DAGLA: variants seen among roughly 807,000 people sequenced by gnomAD.
The protein encoded by DAGLA is diacylglycerol lipase-alpha.
Under a neutral mutation model 102.6 loss-of-function variants are expected in DAGLA, and 22 were observed. That is an observed-to-expected ratio of 0.21 (90% CI 0.15 to 0.31). The LOEUF (loss-of-function observed/expected upper bound fraction) is 0.31. DAGLA is among the 10% of genes least tolerant of loss of function. The pLI, the probability that DAGLA is intolerant of heterozygous loss-of-function variation, is 1.00. For synonymous variants in DAGLA, 578 were observed against 628.9 expected (o/e 0.92, Z 1.21); for missense variants, 927 against 1,446.6 (o/e 0.64, Z 5.83).
Position 61,743,791 on chromosome 11 carries a change from G to T in DAGLA, c.2431G>T (p.Ala811Ser). The T allele has an allele frequency of 6.2e-7, 1 of 1,612,540 alleles. No homozygotes were observed. Among genetic ancestry groups the T allele is most frequent in the Non-Finnish European group, 8.5e-7 (1 of 1,179,942 alleles). Residue 811 changes from alanine (A) to serine (S), a missense_variant, in exon 20 of 20, where the codon GCT (alanine) becomes TCT (serine). Physicochemically the swap from Ala to Ser is moderately conservative, Grantham distance 99. Around this residue, in one of 4 missense-constraint regions of DAGLA, gnomAD observed 434 missense variants for 503.3 expected, o/e 0.86. Transcript: ENST00000257215. ...RSIRGSPSLH[A>S]VLERDEGHLF... ...CATCCGGGGCTCCCCCAGCCTCCACGCTGTGCTGGAGCGTGATGAAGGCCA... is the reference window on the plus strand; with the variant it reads ...CATCCGGGGCTCCCCCAGCCTCCACTCTGTGCTGGAGCGTGATGAAGGCCA...
In DAGLA at chr11:61,686,019, G is replaced by T. The variant is rs2064983502; in HGVS notation, c.-45+5515G>T. On this transcript the variant is annotated intron_variant, in intron 1 of 19. Transcript: ENST00000257215. This position sits in a 1 kb window ranked among gnomAD's most constrained non-coding sequence, Gnocchi z 5.2. ...ATTCACTGAAGTGTTCTGAGCAAGG[G>T]TTTGGAGGCTGGTGCCACCCACCAG... Among the ~76,000 whole-genome samples the T allele has an allele frequency of 6.6e-6, 1 of 152,206 alleles. No homozygotes were observed. The highest frequency in any genetic ancestry group is 1.5e-5 in the Non-Finnish European group (1 of 68,042).
intron 15 of DAGLA, 94 bp from the exon 16 acceptor site, chr11:61,738,041 G>T (rs772960040): frequency 2.0e-6 from 2 of 995,230 alleles, no homozygotes; most frequent in Non-Finnish European, 3.1e-6. Context: ...TGTTCCAGGG[G>T]CTAGGCGTGT....
At chr11:61,723,100 C>T (rs145945012) in intron 4 of DAGLA, 140 bp downstream of exon 4, 2 of 741,244 alleles carry the variant, frequency 2.7e-6, no homozygotes, top group South Asian at 1.7e-5. Flanking sequence ...CTGGGCGAGA[C>T]TGCTTCCCTC....
At position 61,720,143 on chromosome 11, in the gene DAGLA, A is replaced by T; in HGVS notation, c.-13A>T. 6.2e-7 allele frequency: 1 copy of T among 1,611,296 alleles called. No homozygotes were observed. Among genetic ancestry groups the T allele is most frequent in the Non-Finnish European group, 8.5e-7 (1 of 1,179,966 alleles). On this transcript the variant is annotated 5_prime_UTR_variant, in exon 2 of 20. Coordinates refer to ENST00000257215, the MANE Select transcript of DAGLA (RefSeq NM_006133.3). ...AGCACCAGGCCCACTGAGCCTCTGC[A>T]GAGCCACCAGCCATGCCCGGGATCG...
intron 4 of DAGLA, 57 bp from the exon 5 acceptor site, chr11:61,723,377 T>G: frequency 1.9e-6 from 3 of 1,587,438 alleles, no homozygotes; most frequent in Non-Finnish European, 2.6e-6. Flanking sequence ...TCAGAGCGGG[T>G]GAGCCAGAGA....
intron 1 of DAGLA, among the ~76,000 whole-genome samples, chr11:61,706,281 G>A (rs912461407): frequency 1.3e-5 from 2 of 152,222 alleles, no homozygotes; most frequent in African/African-American, 2.4e-5. Flanking sequence ...GAGGGCAGTG[G>A]GCATGGAGGA....
intron 1 of DAGLA, among the ~76,000 whole-genome samples, chr11:61,702,973 T>C (rs1478829606): frequency 6.6e-6 from 1 of 152,212 alleles, no homozygotes; most frequent in Non-Finnish European, 1.5e-5. Context: ...AAGTTGCATA[T>C]GTGGGCAGTT....
In DAGLA at chr11:61,704,002, G is replaced by T. The variant is rs543121340; in HGVS notation, c.-44-16110G>T. Among the ~76,000 whole-genome samples, 410 of 152,338 alleles carry T rather than the reference G, an allele frequency of 2.7e-3. 1 individual carries two copies. Among genetic ancestry groups the T allele is most frequent in the Non-Finnish European group, 4.1e-3 (281 of 68,036 alleles). On this transcript the variant is annotated intron_variant, in intron 1 of 19. Coordinates refer to ENST00000257215, the MANE Select transcript of DAGLA (RefSeq NM_006133.3). ...CAGACTGAGTGGGGAAACCCAGCAAGGCCTGCTCTCAGATCCTTCTTGGCC... is the reference window on the plus strand; with the variant it reads ...CAGACTGAGTGGGGAAACCCAGCAATGCCTGCTCTCAGATCCTTCTTGGCC...
intron 15 of DAGLA, 46 bp downstream of exon 15, chr11:61,737,801 C>G (rs778709521): frequency 1.3e-6 from 2 of 1,550,454 alleles, no homozygotes; most frequent in African/African-American, 2.7e-5. Context: ...GGCTGTTCCT[C>G]CCTCCTCCAG....
intron 1 of DAGLA, among the ~76,000 whole-genome samples, chr11:61,687,446 C>T (rs2064994454): frequency 6.6e-6 from 1 of 152,168 alleles, no homozygotes; most frequent in South Asian, 2.1e-4. Context: ...ATTCTCATGC[C>T]TCAGCCTCCC....
intron 1 of DAGLA, among the ~76,000 whole-genome samples, chr11:61,711,919 G>T (rs1417645733): frequency 1.3e-5 from 2 of 152,328 alleles, no homozygotes; most frequent in South Asian, 4.1e-4. Context: ...GGCATAAGAG[G>T]TTGTTAAAAG....
intron 1 of DAGLA, among the ~76,000 whole-genome samples, chr11:61,680,781 C>T (rs1322366871): frequency 6.6e-6 from 1 of 152,102 alleles, no homozygotes; most frequent in Non-Finnish European, 1.5e-5. Flanking sequence ...TCGCCTCCAC[C>T]TTGGTGCGGT....
intron 16 of DAGLA, 129 bp from the exon 17 acceptor site, chr11:61,739,336 C>T: frequency 1.1e-6 from 1 of 920,848 alleles, no homozygotes; most frequent in South Asian, 1.6e-5. Context: ...CACTGCCCTT[C>T]CCCTGCCCCT....
intron 9 of DAGLA, among the ~76,000 whole-genome samples, chr11:61,733,890 G>A (rs922535434): frequency 2.0e-5 from 3 of 151,942 alleles, no homozygotes; most frequent in Non-Finnish European, 4.4e-5. Context: ...TAGATGAGGT[G>A]GCAAGAGAGA....
At chr11:61,708,423 C>T (rs951603573) in intron 1 of DAGLA, among the ~76,000 whole-genome samples, 4 of 152,040 alleles carry the variant, frequency 2.6e-5, no homozygotes, top group Non-Finnish European at 5.9e-5. Flanking sequence ...CTCTGTCGCC[C>T]AGGCTTGAGT....
At chr11:61,721,426 T>C (rs2065281922) in intron 3 of DAGLA, among the ~76,000 whole-genome samples, 1 of 152,176 alleles carries the variant, frequency 6.6e-6, no homozygotes, top group Admixed American at 6.5e-5. Context: ...TATTGGCACA[T>C]ATCCATTCAG....
chr11:61,693,336 GTCTTTT>G (rs2065039182), intron 1 of DAGLA, among the ~76,000 whole-genome samples: 1 of 150,708 alleles, frequency 6.6e-6, no homozygotes, highest in Non-Finnish European at 1.5e-5. Context: ...AAAAAGATAA[GTCTTTT>G]TCTTTTTCTT....
At chr11:61,705,929 C>T (rs372795237) in intron 1 of DAGLA, among the ~76,000 whole-genome samples, 1 of 152,214 alleles carries the variant, frequency 6.6e-6, no homozygotes, top group African/African-American at 2.4e-5. Context: ...TCACACCTGC[C>T]GAGGCCAGGA....
Position 61,743,917 on chromosome 11 carries a change from A to G in DAGLA, c.2557A>G (p.Thr853Ala). The part of the protein sequence containing the change: ...ADSLSKHSQD[T>A]QPLEAALGSG... Reference sequence around the variant, plus strand: ...CAGCCTGTCCAAGCACTCACAGGACACGCAGCCCCTGGAGGCGGCCCTGGG... The same window carrying G: ...CAGCCTGTCCAAGCACTCACAGGACGCGCAGCCCCTGGAGGCGGCCCTGGG... The change falls in exon 20 of 20, where the codon ACG becomes GCG. Residue 853 changes from threonine to alanine, a missense_variant. Physicochemically the swap from Thr to Ala is moderately conservative, Grantham distance 58 (BLOSUM62 0). Coordinates refer to ENST00000257215, the MANE Select transcript of DAGLA (RefSeq NM_006133.3). 3 of 1,612,250 alleles carry G rather than the reference A, an allele frequency of 1.9e-6. No individual in the cohort carries two copies. In the South Asian group the frequency reaches 3.3e-5, roughly 18 times the overall value.
Sources: allele counts gnomAD v4.1 joint callset (sites outside exome capture counted in the v4.1 genomes callset), GRCh38; gene constraint gnomAD v4.1.1; regional missense constraint gnomAD v4.1.1; non-coding constraint Gnocchi (gnomAD v3.1); transcripts MANE v1.5; gene names NCBI Gene and HGNC (gene_info 2026-07-23, HGNC 2026-07-21).